The following NAALADL2 variants were observed in gnomAD, a reference collection of about 807,000 sequenced individuals.
NAALADL2 encodes the protein inactive N-acetylated-alpha-linked acidic dipeptidase-like protein 2.
Under a neutral mutation model 87.2 loss-of-function variants are expected in NAALADL2, and 76 were observed. The ratio of observed to expected loss-of-function variants is 0.87; its 90% CI spans 0.72 to 1.05. The LOEUF (loss-of-function observed/expected upper bound fraction) is 1.05. NAALADL2 is among the 50% of genes least tolerant of loss of function. NAALADL2 has a pLI of 0.00. For missense variants in NAALADL2, 1,089 were observed against 945.8 expected (o/e 1.15, Z -1.99); for synonymous variants, 354 against 331.0 (o/e 1.07, Z -0.75).
intron 10 of NAALADL2, among the ~76,000 whole-genome samples, chr3:175,615,876 G>A (rs1386869989): frequency 2.0e-5 from 3 of 146,790 alleles, no homozygotes; most frequent in African/African-American, 7.5e-5. Context: ...ATATATATAT[G>A]TATAATATAT....
At chr3:174,867,374 C>T (rs1727289078) in intron 1 of NAALADL2, among the ~76,000 whole-genome samples, 1 of 151,970 alleles carries the variant, frequency 6.6e-6, no homozygotes, top group Non-Finnish European at 1.5e-5. Context: ...TCATCTCCAG[C>T]CTCACAAACT....
chr3:174,607,272 A>C, intron 2 of NAALADL2, among the ~76,000 whole-genome samples: 1 of 152,078 alleles, frequency 6.6e-6, no homozygotes. Context: ...CAAGCAAATC[A>C]ACCAGCTAAC....
In NAALADL2 at chr3:175,463,443, T is replaced by C; in HGVS notation, c.1277T>C (p.Leu426Ser). Residue 426 changes from leucine to serine, a missense_variant, in exon 7 of 14, where the codon TTG becomes TCG. Coordinates refer to ENST00000454872, the MANE Select transcript of NAALADL2 (RefSeq NM_207015.3). ...ATGCAAGTTCAGACAGTCACAAAAT[T>C]GAAAACAGTTACTAATGTTGTTGGA... Reference protein sequence around the residue: ...VSMQVQTVTKLKTVTNVVGFV... With the variant: ...VSMQVQTVTKSKTVTNVVGFV... 1.2e-6 allele frequency: 2 copies of C among 1,600,652 alleles called. No individual in the cohort carries two copies. Among genetic ancestry groups the C allele is most frequent in the Non-Finnish European group, 1.7e-6 (2 of 1,172,930 alleles).
At chr3:174,563,963 G>A (rs1342001310) in intron 2 of NAALADL2, among the ~76,000 whole-genome samples, 1 of 152,128 alleles carries the variant, frequency 6.6e-6, no homozygotes, top group African/African-American at 2.4e-5. Flanking sequence ...GAATTCCAAA[G>A]AAATAAGCAC....
chr3:175,311,614 T>C (rs1387596116), intron 4 of NAALADL2, among the ~76,000 whole-genome samples: 2 of 149,144 alleles, frequency 1.3e-5, no homozygotes, highest in Non-Finnish European at 3.0e-5. Flanking sequence ...CCTCTTTCCT[T>C]CCTTCTTCCC....
intron 9 of NAALADL2, among the ~76,000 whole-genome samples, chr3:175,522,823 G>A (rs1000254040): frequency 2.6e-5 from 4 of 151,980 alleles, no homozygotes; most frequent in African/African-American, 4.8e-5. Flanking sequence ...AACTGTAGTT[G>A]GGGAGTCTTT....
At chr3:174,453,996 C>T (rs1017258852) in intron 1 of NAALADL2, among the ~76,000 whole-genome samples, 6 of 152,086 alleles carry the variant, frequency 3.9e-5, no homozygotes, top group African/African-American at 1.4e-4. Context: ...TATATGCTGT[C>T]TTCGGAAGAC....
intron 5 of NAALADL2, among the ~76,000 whole-genome samples, chr3:175,361,864 C>T (rs1428953406): frequency 4.1e-5 from 6 of 147,742 alleles, no homozygotes; most frequent in Admixed American, 1.4e-4. Flanking sequence ...AGAAACTCTT[C>T]AGTTTAATTA....
At chr3:175,130,798 G>A (rs2108626962) in intron 2 of NAALADL2, among the ~76,000 whole-genome samples, 1 of 152,214 alleles carries the variant, frequency 6.6e-6, no homozygotes, top group East Asian at 1.9e-4. Flanking sequence ...ACACTATTTT[G>A]ATTACTGTAG....
intron 3 of NAALADL2, among the ~76,000 whole-genome samples, chr3:174,794,869 T>G (rs779925654): frequency 1.3e-5 from 2 of 151,514 alleles, no homozygotes; most frequent in African/African-American, 4.8e-5. Context: ...CTATAGAAAT[T>G]CATGAAAATT....
chr3:175,651,539 C>G (rs189057784), intron 11 of NAALADL2, among the ~76,000 whole-genome samples: 23 of 152,242 alleles, frequency 1.5e-4, no homozygotes, highest in African/African-American at 5.3e-4. Flanking sequence ...AAAGATAGGA[C>G]AGCAGCAGTC....
rs34773320 is a variant in NAALADL2, at chr3:175,763,083, C to CAAATAAATAAATAAATAAAT, written c.2189+7675_2189+7694dup. 5.4e-3 allele frequency among the ~76,000 whole-genome samples: 802 copies of CAAATAAATAAATAAATAAAT among 148,794 alleles called. 6 individuals carry two copies. Among genetic ancestry groups the CAAATAAATAAATAAATAAAT allele is most frequent in the African/African-American group, 0.018 (714 of 39,810 alleles). ...TGGGGGACACAGCAAGACTCTGACT[C>CAAATAAATAAATAAATAAAT]AAATAAATAAATAAATAAATAAATA... On this transcript the variant is annotated intron_variant, in intron 13 of 13. Transcript: ENST00000454872.
intron 5 of NAALADL2, among the ~76,000 whole-genome samples, chr3:175,351,979 C>A (rs1378037893): frequency 6.6e-6 from 1 of 152,124 alleles, no homozygotes; most frequent in Non-Finnish European, 1.5e-5. Flanking sequence ...ATAGGATTAA[C>A]CCTCTGCAAT....
rs183286440 is a variant in NAALADL2, at chr3:174,595,398, G to C, written c.-115+44761G>C. Among the ~76,000 whole-genome samples, 346 of 152,212 alleles carry C rather than the reference G, an allele frequency of 2.3e-3. 1 individual carries two copies. Among genetic ancestry groups the C allele is most frequent in the African/African-American group, 7.8e-3 (326 of 41,534 alleles). ...GTAAAATGTTTACTGAATCTCTACT[G>C]TGTCAGATATCAGAAATGCATAATA... On this transcript the variant is annotated intron_variant, in intron 2 of 3. Transcript: ENST00000434257.
chr3:174,492,081 C>T (rs1278143018), intron 1 of NAALADL2, among the ~76,000 whole-genome samples: 4 of 151,832 alleles, frequency 2.6e-5, no homozygotes, highest in Non-Finnish European at 5.9e-5. Context: ...ACCAGCCTGG[C>T]CAACATGGTG....
At chr3:175,592,111 G>A (rs1049006571) in intron 10 of NAALADL2, among the ~76,000 whole-genome samples, 7 of 151,906 alleles carry the variant, frequency 4.6e-5, no homozygotes, top group East Asian at 3.9e-4. Flanking sequence ...AAAATCATCC[G>A]TTGATTGGCT....
chr3:174,915,669 G>T (rs1292429330), intron 1 of NAALADL2, among the ~76,000 whole-genome samples: 2 of 152,066 alleles, frequency 1.3e-5, no homozygotes, highest in South Asian at 2.1e-4. Context: ...TTTATCATAT[G>T]ATACTTTAAT....
chr3:174,620,324 G>A (rs1357848570), intron 2 of NAALADL2, among the ~76,000 whole-genome samples: 2 of 151,996 alleles, frequency 1.3e-5, no homozygotes, highest in African/African-American at 4.8e-5. Context: ...GTCACCCGAT[G>A]TACCGTTGTA....
At chr3:175,117,914 A>G (rs1580542333) in intron 2 of NAALADL2, among the ~76,000 whole-genome samples, 2 of 152,096 alleles carry the variant, frequency 1.3e-5, no homozygotes, top group South Asian at 4.1e-4. Context: ...GCATGTACAC[A>G]CCATGGAATA....
Sources: allele counts gnomAD v4.1 joint callset (sites outside exome capture counted in the v4.1 genomes callset), GRCh38; gene constraint gnomAD v4.1.1; transcripts MANE v1.5; gene names NCBI Gene and HGNC (gene_info 2026-07-23, HGNC 2026-07-21).